The following SCRIB variants were observed in gnomAD, a reference collection of about 807,000 sequenced individuals.
SCRIB encodes the protein scribble planar cell polarity protein.
A neutral mutation model predicts 170.0 loss-of-function variants in SCRIB; 72 were observed. That is an observed-to-expected ratio of 0.42 (90% CI 0.35 to 0.52). The LOEUF (loss-of-function observed/expected upper bound fraction) is 0.52. Among genes scored for constraint, SCRIB ranks in the 20% least tolerant of loss-of-function variants. SCRIB has a pLI of 0.02. For missense variants in SCRIB, 2,475 were observed against 2,338.5 expected (o/e 1.06, Z -1.20); for synonymous variants, 1,298 against 1,044.3 (o/e 1.24, Z -4.68).
At position 143,811,358 on chromosome 8, in the gene SCRIB, A is replaced by C. The variant is rs368468601; in HGVS notation, c.907-13T>G. The C allele has an allele frequency of 3.0e-5, 49 of 1,607,724 alleles. No homozygotes were observed. The African/African-American group carries it at 5.6e-4, about 18-fold the overall frequency. Reference sequence around the variant, plus strand: ...AGCGGGGCAGGGCCTGGCCAAGAAGAGGAGGTCAGAGGACGCTAGGGGCTT... The same window carrying C: ...AGCGGGGCAGGGCCTGGCCAAGAAGCGGAGGTCAGAGGACGCTAGGGGCTT... On this transcript the variant is annotated splice_polypyrimidine_tract_variant and intron_variant, in intron 9 of 36. Transcript: ENST00000356994.
rs781818139 is a variant in SCRIB, at chr8:143,803,342, G to A, written c.3603+41C>T. 32 of 1,500,324 alleles carry A rather than the reference G, an allele frequency of 2.1e-5. No individual in the cohort carries two copies. The East Asian group carries it at 2.9e-4, about 14-fold the overall frequency. The allele number at this position is 1,500,324 out of a possible 1,614,324, so 92.9% of individuals were successfully genotyped here. ...TCAGCGGCTCACAACACCTTGGGCT[G>A]GGCCAGAGGGAGGCCCGGTCCCCGG... On this transcript the variant is annotated intron_variant, in intron 24 of 36. Transcript: ENST00000356994.
At position 143,791,832 on chromosome 8, in the gene SCRIB, C is replaced by A. The variant is rs781977515; in HGVS notation, c.4695+44G>T. 37 of 1,526,814 alleles carry A rather than the reference C, an allele frequency of 2.4e-5. 1 individual carries two copies. Among genetic ancestry groups the A allele is most frequent in the Middle Eastern group, 3.5e-4 (2 of 5,784 alleles). 94.6% of individuals were successfully genotyped at this position (1,526,814 alleles called of 1,614,324 possible). A position where few individuals can be genotyped will look rare whatever the true frequency, so the allele number is the denominator to read the frequency against. On this transcript the variant is annotated intron_variant, in intron 34 of 36. Transcript: ENST00000356994. ...GTGGGGGCAGGCCAGACCCCACCCC[C>A]ATGCCTCGGGGGTGAAGGGAAGGCA...
chr8:143,791,899 T>C lies in SCRIB; in HGVS notation c.4672A>G (p.Thr1558Ala), dbSNP rs1554632799. Residue 1558 changes from threonine (T) to alanine (A), a missense_variant, in exon 34 of 37, where the codon ACC becomes GCC. Thr to Ala is a moderately conservative substitution (Grantham distance 58). Transcript: ENST00000356994. ...ACCAGGCGTCCCGGGGAGGTGCTGG[T>C]CTGGGGGCCGAGGTCTGGGGGGACA... ...PTPVEDLGPQ[T>A]STSPGRLPLS... 6.7e-7 allele frequency: 1 copy of C among 1,494,600 alleles called. No individual in the cohort carries two copies. The highest frequency in any genetic ancestry group is 2.4e-5 in the East Asian group (1 of 42,144). 92.6% of individuals were successfully genotyped at this position (1,494,600 alleles called of 1,614,324 possible).
rs377187403 is a variant in SCRIB, at chr8:143,804,632, G to T, written c.2945C>A (p.Pro982His). Reference protein sequence around the residue: ...TSITTATPGVPGLPSLAPSLL... With the variant: ...TSITTATPGVHGLPSLAPSLL... Reference sequence around the variant, plus strand: ...GCTGGGGGCCAGGCTCGGCAACCCAGGCACCCCGGGGGTGGCAGTGGTTAT... The same window carrying T: ...GCTGGGGGCCAGGCTCGGCAACCCATGCACCCCGGGGGTGGCAGTGGTTAT... The change falls in exon 21 of 37, where the codon CCT (proline) becomes CAT (histidine). Residue 982 changes from proline (P) to histidine (H), a missense_variant. Coordinates refer to ENST00000356994, the MANE Select transcript of SCRIB (RefSeq NM_182706.5). 2 of 1,529,416 alleles carry T rather than the reference G, an allele frequency of 1.3e-6. No homozygotes were observed. The highest frequency in any genetic ancestry group is 1.8e-6 in the Non-Finnish European group (2 of 1,138,672). 94.7% of individuals were successfully genotyped at this position (1,529,416 alleles called of 1,614,324 possible).
rs534289941 is a variant in SCRIB, at chr8:143,793,051, G to A, written c.3942C>T (p.Pro1314=). 4.5e-5 allele frequency: 67 copies of A among 1,498,824 alleles called. 1 individual carries two copies. In the Admixed American group the frequency reaches 5.6e-4, roughly 13 times the overall value. 92.8% of individuals were successfully genotyped at this position (1,498,824 alleles called of 1,614,324 possible). ...PPSPPSPDEL[P]ANVKQAYRAF... ...CCCTGTAGGCCTGCTTCACATTGGC[G>A]GGCAGCTCATCCGGAGAAGGCGGGG... Residue 1314 remains proline (P), a synonymous_variant, in exon 29 of 37, where the codon CCC becomes CCT. Transcript: ENST00000356994.
chr8:143,797,773 C>A (rs1815004944), intron 24 of SCRIB, among the ~76,000 whole-genome samples: 1 of 152,252 alleles, frequency 6.6e-6, no homozygotes, highest in South Asian at 2.1e-4. Context: ...AAGACAGAGG[C>A]ACGCTCCGAC....
In SCRIB at chr8:143,803,678, T is replaced by G. The variant is rs890015928; in HGVS notation, c.3383A>C (p.Asp1128Ala). 3.8e-6 allele frequency: 6 copies of G among 1,572,538 alleles called. No individual in the cohort carries two copies. Among genetic ancestry groups the G allele is most frequent in the Non-Finnish European group, 5.1e-6 (6 of 1,165,714 alleles). The stretch of plus-strand genomic sequence containing the variant: ...GATGAAGATGCCCTCGTCTGTGGGG[T>G]CGCGGGGGTTGCCAGCGTGGCCCCT... ...GARGHAGNPR[D>A]PTDEGIFISK... is the part of the protein sequence containing the mutation. The change falls in exon 23 of 37, where the codon GAC becomes GCC. Residue 1128 changes from aspartate to alanine, a missense_variant. Asp to Ala is a moderately radical substitution (Grantham distance 126). Coordinates refer to ENST00000356994, the MANE Select transcript of SCRIB (RefSeq NM_182706.5).
At chr8:143,795,665 G>A (rs34691721) in intron 24 of SCRIB, 135 bp from the exon 25 acceptor site, 337,783 of 735,766 alleles carry the variant, frequency 0.46, 89,822 homozygotes, top group Non-Finnish European at 0.57. Context: ...GGCTGACCGC[G>A]TGGCTGGGGC....
intron 15 of SCRIB, among the ~76,000 whole-genome samples, chr8:143,807,982 C>T (rs1815507411): frequency 6.6e-6 from 1 of 152,176 alleles, no homozygotes; most frequent in Non-Finnish European, 1.5e-5. Context: ...CCTTTGTGAC[C>T]CATGGAGAGG....
intron 24 of SCRIB, among the ~76,000 whole-genome samples, chr8:143,796,635 A>G (rs1320814391): frequency 1.3e-5 from 2 of 152,214 alleles, no homozygotes; most frequent in African/African-American, 4.8e-5. Flanking sequence ...AAACACAGAA[A>G]GCAAAGACTA....
chr8:143,791,921 G>C lies in SCRIB; in HGVS notation c.4658-8C>G. ...TGGTCTGGGGGCCGAGGTCTGGGGG[G>C]ACAAGAAGCGGGCATTGGAAGCAGC... On this transcript the variant is annotated splice_polypyrimidine_tract_variant and splice_region_variant and intron_variant, in intron 33 of 36. Coordinates refer to ENST00000356994, the MANE Select transcript of SCRIB (RefSeq NM_182706.5). 6.9e-7 allele frequency: 1 copy of C among 1,456,826 alleles called. No individual in the cohort carries two copies. The highest frequency in any genetic ancestry group is 9.1e-7 in the Non-Finnish European group (1 of 1,096,924). The allele number at this position is 1,456,826 out of a possible 1,614,324, so 90.2% of individuals were successfully genotyped here. A position where few individuals can be genotyped will look rare whatever the true frequency, so the allele number is the denominator to read the frequency against.
chr8:143,810,661 G>T, intron 12 of SCRIB, 25 bp downstream of exon 12: 2 of 1,602,150 alleles, frequency 1.2e-6, no homozygotes, highest in Non-Finnish European at 8.5e-7. Flanking sequence ...GCAGAGGTTC[G>T]CCCCCCAGAT....
At chr8:143,800,485 G>A (rs1304551350) in intron 24 of SCRIB, among the ~76,000 whole-genome samples, 1 of 152,204 alleles carries the variant, frequency 6.6e-6, no homozygotes, top group Admixed American at 6.5e-5. Flanking sequence ...CTTCTGCCAG[G>A]GGGTGAAGCA....
intron 8 of SCRIB, 100 bp from the exon 9 acceptor site, chr8:143,812,484 A>T: frequency 1.1e-6 from 1 of 908,438 alleles, no homozygotes. Flanking sequence ...CAAGGCCCCC[A>T]GCCCCTTCTG....
At chr8:143,796,832 C>T (rs989820702) in intron 24 of SCRIB, among the ~76,000 whole-genome samples, 2 of 152,154 alleles carry the variant, frequency 1.3e-5, no homozygotes, top group Non-Finnish European at 2.9e-5. Flanking sequence ...GAAGCAAGGT[C>T]CCAGGTAGCC....
At chr8:143,814,161 C>T (rs1001297016) in intron 1 of SCRIB, 43 bp from the exon 2 acceptor site, 1 of 1,485,652 alleles carries the variant, frequency 6.7e-7, no homozygotes, top group South Asian at 1.2e-5. Context: ...GAGACCACTG[C>T]AGAGCAGAGA....
At chr8:143,803,328 C>T in intron 24 of SCRIB, 55 bp downstream of exon 24, 1 of 1,466,188 alleles carries the variant, frequency 6.8e-7, no homozygotes, top group Middle Eastern at 2.5e-4. Flanking sequence ...CAGCGGCTCA[C>T]AACACCTTGG....
chr8:143,804,520 C>T (rs368050814), intron 21 of SCRIB, 48 bp downstream of exon 21: 285 of 1,478,530 alleles, frequency 1.9e-4, no homozygotes, highest in Middle Eastern at 7.6e-4. Flanking sequence ...AAGGCCAGTG[C>T]CCACAGCTGA....
At chr8:143,793,418 G>T (rs4875054) in intron 28 of SCRIB, 5 of 259,924 alleles carry the variant, frequency 1.9e-5, no homozygotes, top group African/African-American at 2.3e-5. Flanking sequence ...GGGGTAGAGA[G>T]GGGGGTGGGA....
Sources: gnomAD v4.1 joint callset for allele counts (sites outside exome capture counted in the v4.1 genomes callset) on GRCh38, gnomAD v4.1.1 for gene constraint, MANE v1.5 for transcripts, NCBI Gene and HGNC (gene_info 2026-07-23, HGNC 2026-07-21) for gene names.